The following DNASE1L3 variants were observed in gnomAD, a reference collection of about 807,000 sequenced individuals.
DNASE1L3 encodes the protein deoxyribonuclease gamma.
Under a neutral mutation model 30.9 loss-of-function variants are expected in DNASE1L3, and 27 were observed. The ratio of observed to expected loss-of-function variants is 0.87; its 90% CI spans 0.64 to 1.20. The LOEUF is 1.20. Ranked by LOEUF, DNASE1L3 falls within the 50% of genes most tolerant of loss-of-function variation. DNASE1L3 has a pLI of 0.00. For synonymous variants in DNASE1L3, 135 were observed against 138.0 expected (o/e 0.98, Z 0.15); for missense variants, 364 against 378.2 (o/e 0.96, Z 0.31).
chr3:58,204,014 G>C (rs1323760294), intron 4 of DNASE1L3, among the ~76,000 whole-genome samples: 1 of 152,138 alleles, frequency 6.6e-6, no homozygotes, highest in East Asian at 1.9e-4. Flanking sequence ...AAGTACTGTT[G>C]TTAGAGTTCA....
chr3:58,200,947 C>T lies in DNASE1L3; in HGVS notation c.546+50G>A. On this transcript the variant is annotated intron_variant, in intron 5 of 7. Transcript: ENST00000394549. The surrounding 1 kb of genome is among the most constrained non-coding windows in gnomAD (Gnocchi z 4.2). Reference sequence around the variant, plus strand: ...AGAGGTACTCATCCCACTCAGGGACCAGAGCCTGCCCCTGCTAGATGGGAA... The same window carrying T: ...AGAGGTACTCATCCCACTCAGGGACTAGAGCCTGCCCCTGCTAGATGGGAA... 6.0e-6 allele frequency: 9 copies of T among 1,507,934 alleles called. No individual in the cohort carries two copies. Among genetic ancestry groups the T allele is most frequent in the Non-Finnish European group, 8.2e-6 (9 of 1,092,670 alleles). The allele number at this position is 1,507,934 out of a possible 1,614,324, so 93.4% of individuals were successfully genotyped here.
Position 58,201,095 on chromosome 3 carries a change from C to A in DNASE1L3, c.448G>T (p.Val150Leu), listed in dbSNP as rs146805633. The change falls in exon 5 of 8, where the codon GTG becomes TTG. Residue 150 changes from valine (V) to leucine (L), a missense_variant. Val to Leu is a conservative substitution (Grantham distance 32, BLOSUM62 1). Coordinates refer to ENST00000394549, the MANE Select transcript of DNASE1L3 (RefSeq NM_004944.4). ...QSPHTAVKDF[V>L]IIPLHTTPET... Reference sequence around the variant, plus strand: ...GGGGTGGTGTGCAGGGGGATAATCACGAAGTCTTTGACAGCTGAGAAACAG... The same window carrying A: ...GGGGTGGTGTGCAGGGGGATAATCAAGAAGTCTTTGACAGCTGAGAAACAG... 6.2e-7 allele frequency: 1 copy of A among 1,608,056 alleles called. No individual in the cohort carries two copies. Among genetic ancestry groups the A allele is most frequent in the Non-Finnish European group, 8.5e-7 (1 of 1,176,250 alleles).
intron 6 of DNASE1L3, among the ~76,000 whole-genome samples, chr3:58,196,240 C>G (rs979298961): frequency 6.6e-6 from 1 of 151,882 alleles, no homozygotes; most frequent in African/African-American, 2.4e-5. Context: ...GAAACACCAG[C>G]CTCAAAAGCT....
chr3:58,201,253 C>A, intron 4 of DNASE1L3, 144 bp from the exon 5 acceptor site: 1 of 496,468 alleles, frequency 2.0e-6, no homozygotes. Flanking sequence ...CAGCCAGTGG[C>A]CGAGATTTTA....
At position 58,192,982 on chromosome 3, in the gene DNASE1L3, C is replaced by A; in HGVS notation, c.802-179G>T. 1 of 1,437,090 alleles carries A rather than the reference C, an allele frequency of 7.0e-7. No homozygotes were observed. Among genetic ancestry groups the A allele is most frequent in the South Asian group, 1.5e-5 (1 of 65,382 alleles). 89.0% of individuals were successfully genotyped at this position (1,437,090 alleles called of 1,614,324 possible). A position where few individuals can be genotyped will look rare whatever the true frequency, so the allele number is the denominator to read the frequency against. The stretch of plus-strand genomic sequence containing the variant: ...AGCTCGATCAGAAATTTTGGAGGGG[C>A]CTCAAATCACAGAATCATAGGCATT... On this transcript the variant is annotated intron_variant, in intron 7 of 7. Coordinates refer to ENST00000394549, the MANE Select transcript of DNASE1L3 (RefSeq NM_004944.4). This position sits in a 1 kb window ranked among gnomAD's most constrained non-coding sequence, Gnocchi z 4.8.
chr3:58,202,143 G>A (rs571451046), intron 4 of DNASE1L3, among the ~76,000 whole-genome samples: 1 of 150,266 alleles, frequency 6.7e-6, no homozygotes, highest in East Asian at 1.9e-4. Flanking sequence ...TTTTTTTAAA[G>A]GTTTCCTTTT....
At position 58,206,912 on chromosome 3, in the gene DNASE1L3, G is replaced by A. The variant is rs371250152; in HGVS notation, c.230+1306C>T. Among the ~76,000 whole-genome samples the A allele has an allele frequency of 2.3e-4, 35 of 152,282 alleles. No individual in the cohort carries two copies. The East Asian group carries it at 6.2e-3, about 27-fold the overall frequency. On this transcript the variant is annotated intron_variant, in intron 2 of 7. Coordinates refer to ENST00000394549, the MANE Select transcript of DNASE1L3 (RefSeq NM_004944.4). ...TTACTATAAGGGAAGCCCTTAGGCA[G>A]ACTGACATGGATTCTTGCCTGTCCC...
At chr3:58,202,659 G>A (rs1378998252) in intron 4 of DNASE1L3, among the ~76,000 whole-genome samples, 1 of 151,800 alleles carries the variant, frequency 6.6e-6, no homozygotes, top group East Asian at 2.0e-4. Flanking sequence ...TTCCAGATCA[G>A]CCTGACCATC....
In DNASE1L3 at chr3:58,200,015, G is replaced by A. The variant is rs2097399647; in HGVS notation, c.546+982C>T. Among the ~76,000 whole-genome samples the A allele has an allele frequency of 6.6e-6, 1 of 152,166 alleles. No individual in the cohort carries two copies. Among genetic ancestry groups the A allele is most frequent in the South Asian group, 2.1e-4 (1 of 4,830 alleles). ...GAAACGAGAAAAGAGAAATACAGAA[G>A]AAGAACCCTTGGGTGCACTTCCATA... On this transcript the variant is annotated intron_variant, in intron 5 of 7. Coordinates refer to ENST00000394549, the MANE Select transcript of DNASE1L3 (RefSeq NM_004944.4). The surrounding 1 kb of genome is among the most constrained non-coding windows in gnomAD (Gnocchi z 4.2).
At position 58,201,057 on chromosome 3, in the gene DNASE1L3, A is replaced by G. The variant is rs760246911; in HGVS notation, c.486T>C (p.Val162=). 2.5e-6 allele frequency: 4 copies of G among 1,613,422 alleles called. No homozygotes were observed. The highest frequency in any genetic ancestry group is 2.5e-6 in the Non-Finnish European group (3 of 1,179,632). Residue 162 remains valine, a synonymous_variant, in exon 5 of 8, where the codon GTT becomes GTC. Transcript: ENST00000394549. ...CCTCAACCAACTCATCGATCTCCTT[A>G]ACGGATGTCTCTGGGGTGGTGTGCA... ...IPLHTTPETS[V]KEIDELVEVY...
At chr3:58,194,648 C>T (rs1167428422) in intron 6 of DNASE1L3, among the ~76,000 whole-genome samples, 4 of 119,622 alleles carry the variant, frequency 3.3e-5, no homozygotes, top group East Asian at 5.5e-4. Flanking sequence ...TTTTTTGAGA[C>T]GGAGTCTCTC....
chr3:58,199,641 G>A (rs1040777783), intron 5 of DNASE1L3, among the ~76,000 whole-genome samples: 2 of 151,544 alleles, frequency 1.3e-5, no homozygotes, highest in African/African-American at 4.8e-5. Flanking sequence ...TCCAGCCTGG[G>A]GACAAGAGCG....
At chr3:58,194,314 C>CTTTTTTTT (rs11358965) in intron 6 of DNASE1L3, among the ~76,000 whole-genome samples, 6 of 89,052 alleles carry the variant, frequency 6.7e-5, no homozygotes, top group East Asian at 3.4e-4. Context: ...GCACAACTAA[C>CTTTTTTTT]TTTTTTTTTT....
chr3:58,199,132 T>C (rs1559756488), intron 5 of DNASE1L3, among the ~76,000 whole-genome samples: 1 of 152,216 alleles, frequency 6.6e-6, no homozygotes, highest in South Asian at 2.1e-4. Flanking sequence ...CCATGATTGA[T>C]GGGTTCAGTT....
rs185955501 is a variant in DNASE1L3, at chr3:58,199,044, A to G, written c.547-1066T>C. Among the ~76,000 whole-genome samples the G allele has an allele frequency of 5.3e-5, 8 of 152,240 alleles. No individual in the cohort carries two copies. In the East Asian group the frequency reaches 1.5e-3, roughly 29 times the overall value. ...AGTGCCAGATTTCCTTGTTTGTGCT[A>G]TTGTTTGGTGGGGCATTGCTGACTT... On this transcript the variant is annotated intron_variant, in intron 5 of 7. Coordinates refer to ENST00000394549, the MANE Select transcript of DNASE1L3 (RefSeq NM_004944.4).
chr3:58,197,183 A>T lies in DNASE1L3; in HGVS notation c.704+638T>A, dbSNP rs2097397964. ...ATTTACTCCACATCGGATCTTCATG[A>T]GTGAGGCACTAGGATAACTTCCATT... On this transcript the variant is annotated intron_variant, in intron 6 of 7. Coordinates refer to ENST00000394549, the MANE Select transcript of DNASE1L3 (RefSeq NM_004944.4). The surrounding 1 kb of genome is among the most constrained non-coding windows in gnomAD (Gnocchi z 5.3). Among the ~76,000 whole-genome samples the T allele has an allele frequency of 6.6e-6, 1 of 152,200 alleles. No homozygotes were observed. Among genetic ancestry groups the T allele is most frequent in the Admixed American group, 6.5e-5 (1 of 15,278 alleles).
In DNASE1L3 at chr3:58,207,408, CA is replaced by C. The variant is rs2097404700; in HGVS notation, c.230+809del. On this transcript the variant is annotated intron_variant, in intron 2 of 7. Coordinates refer to ENST00000394549, the MANE Select transcript of DNASE1L3 (RefSeq NM_004944.4). ...AAGAAGCAAGTGCCCCTCACTCCTT[CA>C]CTAACCCCTTTCACCACAGCTCTCT... 2.0e-5 allele frequency among the ~76,000 whole-genome samples: 3 copies of C among 148,998 alleles called. No individual in the cohort carries two copies. In the Admixed American group the frequency reaches 2.0e-4, roughly 10 times the overall value.
chr3:58,192,899 G>A lies in DNASE1L3; in HGVS notation c.802-96C>T. 2 of 1,545,984 alleles carry A rather than the reference G, an allele frequency of 1.3e-6. No homozygotes were observed. Among genetic ancestry groups the A allele is most frequent in the Non-Finnish European group, 8.7e-7 (1 of 1,151,740 alleles). On this transcript the variant is annotated intron_variant, in intron 7 of 7. Coordinates refer to ENST00000394549, the MANE Select transcript of DNASE1L3 (RefSeq NM_004944.4). This position sits in a 1 kb window ranked among gnomAD's most constrained non-coding sequence, Gnocchi z 4.8. ...AGCAAATTTAGGACCAGGGAGGGGAGAGGAAATGCCCGAAGTCACCCCACA... is the reference window on the plus strand; with the variant it reads ...AGCAAATTTAGGACCAGGGAGGGGAAAGGAAATGCCCGAAGTCACCCCACA...
chr3:58,203,330 T>C (rs868430568), intron 4 of DNASE1L3, among the ~76,000 whole-genome samples: 1 of 152,246 alleles, frequency 6.6e-6, no homozygotes, highest in African/African-American at 2.4e-5. Flanking sequence ...TTGTGCTCAC[T>C]GTGCCCTCCA....
Sources: allele counts gnomAD v4.1 joint callset (sites outside exome capture counted in the v4.1 genomes callset), GRCh38; gene constraint gnomAD v4.1.1; non-coding constraint Gnocchi (gnomAD v3.1); transcripts MANE v1.5; gene names NCBI Gene and HGNC (gene_info 2026-07-23, HGNC 2026-07-21).